The following CD99L2 variants were observed in gnomAD, a reference collection of about 807,000 sequenced individuals.
CD99L2 encodes CD99 molecule like 2.
In CD99L2, 24 loss-of-function variants were observed where a neutral mutation model predicts 27.3. That is an observed-to-expected ratio of 0.88 (90% CI 0.64 to 1.24). The LOEUF is 1.24. Among genes scored for constraint, CD99L2 ranks in the 50% most tolerant of loss-of-function variants. CD99L2 has a pLI of 0.00. For synonymous variants in CD99L2, 97 were observed against 87.9 expected (o/e 1.10, Z -0.58); for missense variants, 255 against 221.6 (o/e 1.15, Z -0.96).
intron 1 of CD99L2, among the ~76,000 whole-genome samples, chrX:150,868,064 A>C (rs2047097724): frequency 9.8e-6 from 1 of 102,135 alleles, no homozygotes; most frequent in Non-Finnish European, 2.0e-5. Context: ...CCTAGGCGAC[A>C]GAGTGAGACT....
intron 1 of CD99L2, among the ~76,000 whole-genome samples, chrX:150,878,627 A>G (rs1458185206): frequency 9.0e-6 from 1 of 111,362 alleles, no homozygotes; most frequent in African/African-American, 3.3e-5. Flanking sequence ...TGCAATCGGA[A>G]TCCCAACGGA....
intron 1 of CD99L2, 91 bp from the exon 2 acceptor site, chrX:150,831,384 G>C: frequency 1.3e-6 from 1 of 759,942 alleles, no homozygotes. Flanking sequence ...CCTTTAGAAA[G>C]TGAAGGAATA....
At chrX:150,788,810 T>C (rs1250051686) in intron 7 of CD99L2, among the ~76,000 whole-genome samples, 1 of 111,894 alleles carries the variant, frequency 8.9e-6, no homozygotes, top group African/African-American at 3.2e-5. Flanking sequence ...AAGTCTATGT[T>C]GAACTTTACA....
intron 4 of CD99L2, among the ~76,000 whole-genome samples, chrX:150,809,314 C>G (rs2046040610): frequency 9.0e-6 from 1 of 111,407 alleles, no homozygotes; most frequent in Non-Finnish European, 1.9e-5. Flanking sequence ...ACCCCTAGCC[C>G]CAGATGACAT....
intron 6 of CD99L2, among the ~76,000 whole-genome samples, chrX:150,794,639 G>A (rs1382922289): frequency 8.9e-6 from 1 of 112,024 alleles, no homozygotes; most frequent in Non-Finnish European, 1.9e-5. Context: ...TTTTGTTGGG[G>A]CCAAGTTTTG....
chrX:150,891,917 A>C (rs1215495408), intron 1 of CD99L2, among the ~76,000 whole-genome samples: 1 of 111,863 alleles, frequency 8.9e-6, no homozygotes, highest in African/African-American at 3.3e-5. Context: ...GCAAAGTACA[A>C]AACCTAAGAG....
intron 4 of CD99L2, among the ~76,000 whole-genome samples, chrX:150,795,792 G>T (rs1188967939): frequency 9.0e-6 from 1 of 111,684 alleles, no homozygotes; most frequent in African/African-American, 3.3e-5. Flanking sequence ...ATGGACCGAG[G>T]AGTTCTAGAG....
At chrX:150,865,285 G>A (rs1337302789) in intron 1 of CD99L2, among the ~76,000 whole-genome samples, 1 of 108,613 alleles carries the variant, frequency 9.2e-6, no homozygotes, top group African/African-American at 3.4e-5. Flanking sequence ...ATCTCTTGAG[G>A]CCAAGAGTTT....
At chrX:150,859,407 G>T (rs2046940094) in intron 1 of CD99L2, among the ~76,000 whole-genome samples, 2 of 111,113 alleles carry the variant, frequency 1.8e-5, no homozygotes, top group African/African-American at 6.5e-5. Context: ...GCTGAGGCAG[G>T]GGAATCGCTT....
intron 7 of CD99L2, among the ~76,000 whole-genome samples, chrX:150,779,745 C>T (rs1003007830): frequency 8.0e-5 from 9 of 112,092 alleles, no homozygotes; most frequent in African/African-American, 1.6e-4. Context: ...TGGATGAAGG[C>T]GTAAAAGCAC....
At chrX:150,880,603 T>C (rs1463052169) in intron 1 of CD99L2, among the ~76,000 whole-genome samples, 6 of 111,713 alleles carry the variant, frequency 5.4e-5, no homozygotes, top group African/African-American at 1.6e-4. Flanking sequence ...TAAAATGTTC[T>C]AAAATTAGAT....
Position 150,778,537 on chromosome X carries a change from CCTCT to C in CD99L2, c.497-1059_497-1056del, listed in dbSNP as rs1388134868. ...GAAACATGAGAACTCTCTGTACCTT[CCTCT>C]CTATTTTTCTGTGAAACTGAAACTG... On this transcript the variant is annotated intron_variant, in intron 7 of 10. Coordinates refer to ENST00000370377, the MANE Select transcript of CD99L2 (RefSeq NM_031462.4). Among the ~76,000 whole-genome samples, 25 of 107,952 alleles carry C rather than the reference CCTCT, an allele frequency of 2.3e-4. No individual in the cohort carries two copies. The East Asian group carries it at 2.6e-3, about 11-fold the overall frequency. The allele number at this position is 107,952 out of a possible 115,157, so 93.7% of individuals were successfully genotyped here. A position where few individuals can be genotyped will look rare whatever the true frequency, so the allele number is the denominator to read the frequency against.
At chrX:150,872,276 C>T (rs1260383780) in intron 1 of CD99L2, among the ~76,000 whole-genome samples, 2 of 109,959 alleles carry the variant, frequency 1.8e-5, no homozygotes, top group Admixed American at 2.0e-4. Context: ...TCAGTGGTTG[C>T]TGGGGGCAAG....
In CD99L2 at chrX:150,795,569, C is replaced by T. The variant is rs968751380; in HGVS notation, c.278-83G>A. 6 of 958,245 alleles carry T rather than the reference C, an allele frequency of 6.3e-6. No individual in the cohort carries two copies. The Admixed American group carries it at 1.2e-4, about 19-fold the overall frequency. 79.0% of individuals were successfully genotyped at this position (958,245 alleles called of 1,213,427 possible). A position where few individuals can be genotyped will look rare whatever the true frequency, so the allele number is the denominator to read the frequency against. On this transcript the variant is annotated intron_variant, in intron 4 of 10. Transcript: ENST00000370377. ...CATTCATGGCTCAGGGAAGTCACAT[C>T]ATGAATATTCTTGTCTTGGTCCTTG...
chrX:150,831,701 C>T (rs2046447596), intron 1 of CD99L2, among the ~76,000 whole-genome samples: 1 of 110,859 alleles, frequency 9.0e-6, no homozygotes, highest in South Asian at 3.8e-4. Flanking sequence ...CCCCATGATA[C>T]AAGTTTACCT....
At chrX:150,795,732 G>T (rs1381824340) in intron 4 of CD99L2, among the ~76,000 whole-genome samples, 7 of 111,864 alleles carry the variant, frequency 6.3e-5, no homozygotes, top group Non-Finnish European at 1.3e-4. Context: ...CATGTGGCCA[G>T]GTAAGTGGCA....
At chrX:150,873,789 C>T (rs2047191940) in intron 1 of CD99L2, among the ~76,000 whole-genome samples, 1 of 111,198 alleles carries the variant, frequency 9.0e-6, no homozygotes, top group Admixed American at 9.5e-5. Flanking sequence ...GAGTCACATG[C>T]CTGGCTCACT....
chrX:150,859,614 C>T (rs1834079530), intron 1 of CD99L2, among the ~76,000 whole-genome samples: 1 of 108,675 alleles, frequency 9.2e-6, no homozygotes, highest in Admixed American at 9.8e-5. Flanking sequence ...TCTCCTGCCT[C>T]AGCCTCCCAA....
intron 7 of CD99L2, among the ~76,000 whole-genome samples, chrX:150,783,824 G>C (rs1178507227): frequency 1.8e-5 from 2 of 111,614 alleles, no homozygotes; most frequent in Non-Finnish European, 3.8e-5. Context: ...AGACCCGGAA[G>C]GAGAAGCTCA....
Sources: allele counts gnomAD v4.1 joint callset (sites outside exome capture counted in the v4.1 genomes callset), GRCh38; gene constraint gnomAD v4.1.1; transcripts MANE v1.5; gene names NCBI Gene and HGNC (gene_info 2026-07-23, HGNC 2026-07-21).